Variants in PLTP observed in about 807,000 individuals in gnomAD.
PLTP encodes phospholipid transfer protein, also known as BPI fold containing family E.
PLTP carries 43 observed loss-of-function variants against 54.1 expected under a neutral mutation model. The ratio of observed to expected loss-of-function variants is 0.79; its 90% confidence interval spans 0.62 to 1.02. The LOEUF is 1.02. PLTP is among the 50% of genes least tolerant of loss of function. The pLI, the probability that PLTP is intolerant of heterozygous loss-of-function variation, is 0.00. For synonymous variants in PLTP, 263 were observed against 264.6 expected, an observed-to-expected ratio of 0.99 and a Z score of 0.06; for missense variants, 604 against 645.9, an observed-to-expected ratio of 0.94 and a Z score of 0.70.
chr20:45,899,155 C>A (rs1172815431), intron 15 of PLTP, 92 bp from the exon 16 acceptor site: 14 of 1,543,096 alleles, frequency 9.1e-6, no homozygotes, highest in Middle Eastern at 3.4e-4. Flanking sequence ...CTTTCAGGAA[C>A]TCAATCTAAT....
intron 13 of PLTP, 61 bp from the exon 14 acceptor site, chr20:45,899,746 C>T: frequency 6.2e-7 from 1 of 1,609,564 alleles, no homozygotes; most frequent in Non-Finnish European, 8.5e-7. Context: ...CTTTAGCTGC[C>T]CGCAGGTGAG....
intron 12 of PLTP, 57 bp downstream of exon 12, chr20:45,902,210 G>C: frequency 6.4e-7 from 1 of 1,560,464 alleles, no homozygotes; most frequent in African/African-American, 1.4e-5. Context: ...CAACATCCCT[G>C]TGGACAGGTG....
chr20:45,909,396 G>C, intron 5 of PLTP, 120 bp downstream of exon 5: 1 of 1,052,292 alleles, frequency 9.5e-7, no homozygotes, highest in Non-Finnish European at 1.4e-6. Context: ...GCCAGGAAGT[G>C]ACAGAGCTGA....
chr20:45,908,197 C>T lies in PLTP; in HGVS notation c.486-293G>A, dbSNP rs143974199. Among the ~76,000 whole-genome samples the T allele has an allele frequency of 5.3e-5, 8 of 152,252 alleles. No homozygotes were observed. The East Asian group carries it at 7.7e-4, about 15-fold the overall frequency. On this transcript the variant is annotated intron_variant, in intron 5 of 15. Coordinates refer to ENST00000372431, the MANE Select transcript of PLTP (RefSeq NM_006227.4). Reference sequence around the variant, plus strand: ...ATCGGCTTACTGATGCCCTCCCTTCCGCCCTCTGCATTCCTACTCTGTATT... The same window carrying T: ...ATCGGCTTACTGATGCCCTCCCTTCTGCCCTCTGCATTCCTACTCTGTATT...
chr20:45,900,352 G>A lies in PLTP; in HGVS notation c.1176-474C>T, dbSNP rs113671507. On this transcript the variant is annotated intron_variant, in intron 12 of 15. Coordinates refer to ENST00000372431, the MANE Select transcript of PLTP (RefSeq NM_006227.4). ...GATTTCCTGACCTTGTGATCCGCCCGTCTCGGCCTCCCAAAGTGCTGGGAT... is the reference window on the plus strand; with the variant it reads ...GATTTCCTGACCTTGTGATCCGCCCATCTCGGCCTCCCAAAGTGCTGGGAT... Among the ~76,000 whole-genome samples the A allele has an allele frequency of 9.8e-3, 1,486 of 151,854 alleles. 14 individuals carry two copies. The highest frequency in any genetic ancestry group is 0.025 in the East Asian group (128 of 5,134).
At chr20:45,903,625 A>G (rs950078046) in intron 10 of PLTP, among the ~76,000 whole-genome samples, 1 of 152,188 alleles carries the variant, frequency 6.6e-6, no homozygotes, top group African/African-American at 2.4e-5. Flanking sequence ...CATGATTCTA[A>G]ACACTGTATA....
In PLTP at chr20:45,908,046, C is replaced by T. The variant is rs1246373192; in HGVS notation, c.486-142G>A. On this transcript the variant is annotated intron_variant, in intron 5 of 15. Coordinates refer to ENST00000372431, the MANE Select transcript of PLTP (RefSeq NM_006227.4). Reference sequence around the variant, plus strand: ...ATAACAGCTCCTCCACGTAGGTTTTCCAAGAACCAGGCCCAAATTCCCTCT... The same window carrying T: ...ATAACAGCTCCTCCACGTAGGTTTTTCAAGAACCAGGCCCAAATTCCCTCT... The T allele has an allele frequency of 3.8e-6, 3 of 782,926 alleles. No homozygotes were observed. In the African/African-American group the frequency reaches 5.1e-5, roughly 13 times the overall value. The allele number at this position is 782,926 out of a possible 1,614,324, so 48.5% of individuals were successfully genotyped here.
chr20:45,906,177 G>T, intron 8 of PLTP, 91 bp downstream of exon 8: 1 of 852,980 alleles, frequency 1.2e-6, no homozygotes, highest in Non-Finnish European at 2.0e-6. Flanking sequence ...CCTCATCAGA[G>T]CTGTGCTTTA....
In PLTP at chr20:45,909,930, C is replaced by T; in HGVS notation, c.329+12G>A. The T allele has an allele frequency of 1.9e-6, 3 of 1,613,892 alleles. No individual in the cohort carries two copies. Among genetic ancestry groups the T allele is most frequent in the Non-Finnish European group, 2.5e-6 (3 of 1,179,906 alleles). On this transcript the variant is annotated intron_variant, in intron 4 of 15. Transcript: ENST00000372431. ...CCCACTCTCCACTCCCCTGAGGGTG[C>T]TGGGTCCTTACAAGAACCAGTAGAG... is the stretch of plus-strand genomic sequence containing the variant.
At position 45,905,022 on chromosome 20, in the gene PLTP, A is replaced by C; in HGVS notation, c.802T>G (p.Phe268Val). The C allele has an allele frequency of 6.2e-7, 1 of 1,614,224 alleles. No individual in the cohort carries two copies. The stretch of plus-strand genomic sequence containing the variant: ...GCAGAGTCGAAGAAGAACTCAGAGA[A>C]GGCCACATACACCATCCGCTCTTCC... ...QEEERMVYVA[F>V]SEFFFDSAME... is the part of the protein sequence containing the mutation. The change falls in exon 9 of 16, where the codon TTC becomes GTC. Residue 268 changes from phenylalanine to valine, a missense_variant. Physicochemically the swap from Phe to Val is conservative, Grantham distance 50. Coordinates refer to ENST00000372431, the MANE Select transcript of PLTP (RefSeq NM_006227.4).
rs529198412 is a variant in PLTP at position 45,907,566 on chromosome 20, G to A, written c.613+126C>T. The A allele has an allele frequency of 1.8e-5, 16 of 888,108 alleles. No homozygotes were observed. The East Asian group carries it at 2.1e-4, about 12-fold the overall frequency. The allele number at this position is 888,108 out of a possible 1,614,324, so 55.0% of individuals were successfully genotyped here. Reference sequence around the variant, plus strand: ...AGAAATGAGCACTTCACCCAAAATCGCACAACAAGTCAGCTCCAGGGGCCA... The same window carrying A: ...AGAAATGAGCACTTCACCCAAAATCACACAACAAGTCAGCTCCAGGGGCCA... On this transcript the variant is annotated intron_variant, in intron 7 of 15. Coordinates refer to ENST00000372431, the MANE Select transcript of PLTP (RefSeq NM_006227.4).
chr20:45,899,182 A>C, intron 15 of PLTP, 119 bp from the exon 16 acceptor site: 6 of 1,447,104 alleles, frequency 4.1e-6, no homozygotes, highest in Non-Finnish European at 5.8e-6. Flanking sequence ...TTCCATGTCA[A>C]GGTGTTAAAA....
At position 45,909,566 on chromosome 20, in the gene PLTP, G is replaced by A. The variant is rs200668523; in HGVS notation, c.435C>T (p.Ser145=). 3.1e-6 allele frequency: 5 copies of A among 1,614,224 alleles called. No individual in the cohort carries two copies. In the African/African-American group the frequency reaches 6.7e-5, roughly 22 times the overall value. ...GCATTCTGGAGACAGAGGCCTGGCA[G>A]GAGACATTGGACACTTTCATCCGTC... is the stretch of plus-strand genomic sequence containing the variant. ...PAGRMKVSNV[S]CQASVSRMHA... is the part of the protein sequence containing the mutation. Residue 145 remains serine, a synonymous_variant, in exon 5 of 16, where the codon TCC becomes TCT. Coordinates refer to ENST00000372431, the MANE Select transcript of PLTP (RefSeq NM_006227.4).
Position 45,911,455 on chromosome 20 carries a change from C to A in PLTP, c.-3G>T, listed in dbSNP as rs1298801849. 3 of 1,602,976 alleles carry A rather than the reference C, an allele frequency of 1.9e-6. No individual in the cohort carries two copies. The highest frequency in any genetic ancestry group is 1.7e-6 in the Non-Finnish European group (2 of 1,179,904). ...AAGAGGGCCCCGAAGAGGGCCATGGCGAGCGGGCCTGGGGGTGGGGTGGGG... is the reference window on the plus strand; with the variant it reads ...AAGAGGGCCCCGAAGAGGGCCATGGAGAGCGGGCCTGGGGGTGGGGTGGGG... On this transcript the variant is annotated 5_prime_UTR_variant, in exon 2 of 16. Coordinates refer to ENST00000372431, the MANE Select transcript of PLTP (RefSeq NM_006227.4).
chr20:45,905,210 TGG>T, intron 8 of PLTP, 92 bp from the exon 9 acceptor site: 2 of 1,148,962 alleles, frequency 1.7e-6, no homozygotes, highest in Non-Finnish European at 2.6e-6. Context: ...CTAGGCACTG[TGG>T]GGGGATGGTG....
intron 12 of PLTP, 48 bp from the exon 13 acceptor site, chr20:45,899,926 C>A (rs776827399): frequency 2.1e-5 from 32 of 1,511,340 alleles, no homozygotes; most frequent in Non-Finnish European, 2.6e-5. Context: ...GGAAGCTCCC[C>A]TTCCTCAGGC....
At position 45,911,331 on chromosome 20, in the gene PLTP, C is replaced by G. The variant is rs202158087; in HGVS notation, c.100+22G>C. On this transcript the variant is annotated intron_variant, in intron 2 of 15. Coordinates refer to ENST00000372431, the MANE Select transcript of PLTP (RefSeq NM_006227.4). ...CCAACCCCGTCCGCTCCCGTCCGTCCCTGTCTGCCCCTGCGCCTTACCCAG... is the reference window on the plus strand; with the variant it reads ...CCAACCCCGTCCGCTCCCGTCCGTCGCTGTCTGCCCCTGCGCCTTACCCAG... 1.7e-4 allele frequency: 275 copies of G among 1,613,728 alleles called. 1 individual carries two copies. The East Asian group carries it at 5.7e-3, about 33-fold the overall frequency.
chr20:45,902,182 A>G, intron 12 of PLTP, 85 bp downstream of exon 12: 4 of 1,381,196 alleles, frequency 2.9e-6, no homozygotes, highest in Non-Finnish European at 4.1e-6. Context: ...GCTTACAGGT[A>G]TCACTGTACT....
intron 3 of PLTP, chr20:45,910,771 TA>T: frequency 1.9e-6 from 2 of 1,076,410 alleles, no homozygotes; most frequent in Non-Finnish European, 2.4e-6. Context: ...TCCCTCATCC[TA>T]AACCATACTT....
Sources: allele counts gnomAD v4.1 joint callset (sites outside exome capture counted in the v4.1 genomes callset), GRCh38; gene constraint gnomAD v4.1.1; transcripts MANE v1.5; gene names NCBI Gene and HGNC (gene_info 2026-07-23, HGNC 2026-07-21).